NDUFC1: variants seen among roughly 807,000 people sequenced by gnomAD.
The protein encoded by NDUFC1 is NADH dehydrogenase [ubiquinone] 1 subunit C1, mitochondrial.
Under a neutral mutation model 11.6 loss-of-function variants are expected in NDUFC1, and 11 were observed. The ratio of observed to expected loss-of-function variants is 0.95; its 90% CI spans 0.60 to 1.58. The LOEUF (loss-of-function observed/expected upper bound fraction) is 1.58, where lower values mean the gene tolerates loss of function less well. Among genes scored for constraint, NDUFC1 ranks in the 40% most tolerant of loss-of-function variants. The pLI is 0.00. For missense variants in NDUFC1, 112 were observed against 93.0 expected, an observed-to-expected ratio of 1.20 and a Z score of -0.84; for synonymous variants, 52 against 42.2, an observed-to-expected ratio of 1.23 and a Z score of -0.90.
intron 1 of NDUFC1, 113 bp from the exon 2 acceptor site, chr4:139,297,556 A>G (rs936750471): frequency 6.6e-6 from 1 of 152,216 alleles, no homozygotes; most frequent in African/African-American, 2.4e-5. Flanking sequence ...GAACACTAAA[A>G]TCTTATTTAT....
Position 139,292,579 on chromosome 4 carries a change from C to A in NDUFC1, c.202G>T (p.Glu68Ter). 1.3e-6 allele frequency: 2 copies of A among 1,567,368 alleles called. No individual in the cohort carries two copies. The highest frequency in any genetic ancestry group is 1.7e-6 in the Non-Finnish European group (2 of 1,145,286). Residue 68 changes from glutamate (E) to a stop codon, truncating the protein, a stop_gained, in exon 5 of 6, where the codon GAG becomes TAG. Transcript: ENST00000394223. LOFTEE classifies it high-confidence loss of function. ...LIKQHNEDILEYKRRNGLE is the reference protein window; with the variant it reads ...LIKQHNEDIL ...TCCAGCCCATTTCTTCTTTTGTACTCTAAAATATCTTCATTGTGTTGTTTG... is the reference window on the plus strand; with the variant it reads ...TCCAGCCCATTTCTTCTTTTGTACTATAAAATATCTTCATTGTGTTGTTTG...
intron 3 of NDUFC1, 64 bp downstream of exon 3, chr4:139,295,668 G>T: frequency 6.7e-7 from 1 of 1,493,836 alleles, no homozygotes; most frequent in Non-Finnish European, 9.0e-7. Flanking sequence ...GCACCCGTGG[G>T]CTGGGTCCGC....
At position 139,295,773 on chromosome 4, in the gene NDUFC1, G is replaced by A; in HGVS notation, c.26C>T (p.Pro9Leu). The change falls in exon 3 of 6, where the codon CCC (proline) becomes CTC (leucine). Residue 9 changes from proline (P) to leucine (L), a missense_variant. By Grantham distance (98) the Pro-to-Leu change is moderately conservative. Transcript: ENST00000394223. ...GGCGGGGGCCAGCAGCCGGGAAAGG[G>A]GACGCAGCAAGGCGGACGGCGCCAT... MAPSALLR[P>L]LSRLLAPARL... 6.4e-7 allele frequency: 1 copy of A among 1,553,194 alleles called. No homozygotes were observed. Among genetic ancestry groups the A allele is most frequent in the Non-Finnish European group, 8.7e-7 (1 of 1,150,282 alleles).
chr4:139,292,305 TACAA>T (rs1256147229), intron 5 of NDUFC1, among the ~76,000 whole-genome samples: 7 of 151,362 alleles, frequency 4.6e-5, no homozygotes, highest in South Asian at 2.1e-4. Flanking sequence ...CCAACAGGTC[TACAA>T]ACAAACAAAC....
intron 1 of NDUFC1, chr4:139,301,384 G>A (rs545258649): frequency 3.1e-4 from 131 of 423,168 alleles, no homozygotes; most frequent in African/African-American, 1.6e-3. Context: ...TCCACAGGCA[G>A]GCCAGCCTCC....
intron 1 of NDUFC1, among the ~76,000 whole-genome samples, chr4:139,298,417 G>A (rs1457831300): frequency 4.3e-5 from 6 of 139,304 alleles, no homozygotes; most frequent in African/African-American, 1.6e-4. Flanking sequence ...TAGCCTGGGC[G>A]ACAAGAGCGA....
intron 3 of NDUFC1, 79 bp downstream of exon 3, chr4:139,295,653 C>T: frequency 6.9e-7 from 1 of 1,458,310 alleles, no homozygotes; most frequent in South Asian, 1.3e-5. Context: ...CCGCTGCCGC[C>T]TCCTGCACCC....
At chr4:139,294,853 T>C (rs1405173806) in intron 4 of NDUFC1, among the ~76,000 whole-genome samples, 190 bp downstream of exon 4, 2 of 152,024 alleles carry the variant, frequency 1.3e-5, no homozygotes. Context: ...GTTGCTGAAA[T>C]CTTAATTTCT....
intron 1 of NDUFC1, among the ~76,000 whole-genome samples, chr4:139,299,033 G>T (rs1045158922): frequency 6.6e-6 from 1 of 151,616 alleles, no homozygotes; most frequent in Non-Finnish European, 1.5e-5. Flanking sequence ...GCAGTGGTGC[G>T]ATCTTGGCTC....
chr4:139,301,927 C>G, intron 1 of NDUFC1: 2 of 1,318,370 alleles, frequency 1.5e-6, no homozygotes, highest in Non-Finnish European at 2.1e-6. Context: ...GAGCCACTCC[C>G]GCCCGGGACC....
At chr4:139,301,380 G>C (rs1428656040) in intron 1 of NDUFC1, 11 of 420,772 alleles carry the variant, frequency 2.6e-5, no homozygotes, top group Non-Finnish European at 4.6e-5. Flanking sequence ...GGCCTCCACA[G>C]GCAGGCCAGC....
chr4:139,292,580 T>C lies in NDUFC1; in HGVS notation c.201A>G (p.Leu67=), dbSNP rs1484016797. The C allele has an allele frequency of 6.4e-7, 1 of 1,568,516 alleles. No homozygotes were observed. Among genetic ancestry groups the C allele is most frequent in the Admixed American group, 1.7e-5 (1 of 57,858 alleles). Reference sequence around the variant, plus strand: ...CCAGCCCATTTCTTCTTTTGTACTCTAAAATATCTTCATTGTGTTGTTTGA... The same window carrying C: ...CCAGCCCATTTCTTCTTTTGTACTCCAAAATATCTTCATTGTGTTGTTTGA... ...YLIKQHNEDI[L]EYKRRNGLE Residue 67 remains leucine, a synonymous_variant, in exon 5 of 6, where the codon TTA becomes TTG. Transcript: ENST00000394223.
intron 1 of NDUFC1, chr4:139,300,469 G>C (rs1745663922): frequency 1.3e-5 from 2 of 152,206 alleles, no homozygotes; most frequent in Admixed American, 6.5e-5. Context: ...ATGCTACAGA[G>C]TGAAATCAGG....
At chr4:139,301,612 A>T in intron 1 of NDUFC1, 1 of 690,244 alleles carries the variant, frequency 1.4e-6, no homozygotes. Context: ...ACAACGAGGA[A>T]AAAGGAGGTG....
chr4:139,290,049 T>C lies in NDUFC1; in HGVS notation c.*64A>G, dbSNP rs1745147122. The C allele has an allele frequency of 2.0e-5, 3 of 151,878 alleles. No individual in the cohort carries two copies. The highest frequency in any genetic ancestry group is 2.0e-4 in the Admixed American group (3 of 15,216). 9.4% of individuals were successfully genotyped at this position (151,878 alleles called of 1,614,324 possible). On this transcript the variant is annotated 3_prime_UTR_variant, in exon 6 of 6. Transcript: ENST00000394223. Reference sequence around the variant, plus strand: ...TCTCTCACATTTACAACTCAACAGATGGTGAATCCAGAGGAACAGCTACAA... The same window carrying C: ...TCTCTCACATTTACAACTCAACAGACGGTGAATCCAGAGGAACAGCTACAA...
chr4:139,291,880 A>G (rs1001512985), intron 5 of NDUFC1, among the ~76,000 whole-genome samples: 5 of 151,278 alleles, frequency 3.3e-5, no homozygotes, highest in Admixed American at 6.6e-5. Context: ...TCTGTCACCC[A>G]GGCTGGAGTG....
At chr4:139,294,954 A>G (rs1745393342) in intron 4 of NDUFC1, 89 bp downstream of exon 4, 9 of 932,756 alleles carry the variant, frequency 9.6e-6, no homozygotes, top group Non-Finnish European at 1.4e-5. Context: ...GCCATACAAC[A>G]TATAACAGCA....
intron 4 of NDUFC1, among the ~76,000 whole-genome samples, chr4:139,293,118 C>A (rs543978931): frequency 3.0e-4 from 45 of 152,168 alleles, no homozygotes; most frequent in African/African-American, 8.9e-4. Flanking sequence ...CCGCACCTGG[C>A]CAAAAATTTA....
intron 5 of NDUFC1, among the ~76,000 whole-genome samples, chr4:139,290,800 C>T: frequency 6.6e-6 from 1 of 150,624 alleles, no homozygotes; most frequent in African/African-American, 2.4e-5. Context: ...ATTATTTATT[C>T]ATTCATTTAT....
Sources: allele counts gnomAD v4.1 joint callset (sites outside exome capture counted in the v4.1 genomes callset), GRCh38; gene constraint gnomAD v4.1.1; transcripts MANE v1.5; gene names NCBI Gene and HGNC (gene_info 2026-07-23, HGNC 2026-07-21).